Variants in DSCAM observed in about 807,000 individuals in gnomAD.
The protein encoded by DSCAM is cell adhesion molecule DSCAM.
DSCAM carries 47 observed loss-of-function variants against 217.7 expected under a neutral mutation model. The ratio of observed to expected loss-of-function variants is 0.22; its 90% CI spans 0.17 to 0.28. The LOEUF (loss-of-function observed/expected upper bound fraction) is 0.28, where lower values mean the gene tolerates loss of function less well. Ranked by LOEUF, DSCAM falls within the 10% of genes least tolerant of loss-of-function variation. The pLI, the probability that DSCAM is intolerant of heterozygous loss-of-function variation, is 1.00. For missense variants in DSCAM, 2,080 were observed against 2,618.3 expected (o/e 0.79, Z 4.49); for synonymous variants, 1,056 against 1,015.3 (o/e 1.04, Z -0.76).
intron 3 of DSCAM, among the ~76,000 whole-genome samples, chr21:40,582,231 C>G (rs2076910977): frequency 6.6e-6 from 1 of 152,158 alleles, no homozygotes; most frequent in African/African-American, 2.4e-5. Context: ...AGGCCTAAAT[C>G]TGCATCTTGC....
At chr21:40,394,990 AG>A (rs1218408311) in intron 3 of DSCAM, among the ~76,000 whole-genome samples, 1 of 152,238 alleles carries the variant, frequency 6.6e-6, no homozygotes, top group Non-Finnish European at 1.5e-5. Context: ...AGGTAGAATT[AG>A]GTAATTTTTA....
rs455784 is a variant in DSCAM, at chr21:40,590,238, A to G, written c.508+102572T>C. On this transcript the variant is annotated intron_variant, in intron 3 of 32. Coordinates refer to ENST00000400454, the MANE Select transcript of DSCAM (RefSeq NM_001389.5). Reference sequence around the variant, plus strand: ...ACATGGAAGTATGTAAATATAAAATATTAACATGATATGGACAATGGCACT... The same window carrying G: ...ACATGGAAGTATGTAAATATAAAATGTTAACATGATATGGACAATGGCACT... Among the ~76,000 whole-genome samples the G allele has an allele frequency of 9.7e-3, 1,484 of 152,368 alleles. 13 individuals are homozygous for G. Among genetic ancestry groups the G allele is most frequent in the Non-Finnish European group, 0.017 (1,131 of 68,036 alleles).
chr21:40,199,726 G>A (rs186629497), intron 11 of DSCAM, among the ~76,000 whole-genome samples: 33 of 152,124 alleles, frequency 2.2e-4, no homozygotes, highest in Admixed American at 2.2e-3. Context: ...GTTGATCAAT[G>A]AGAATACGTG....
chr21:40,732,009 G>A (rs2091017908), intron 1 of DSCAM, among the ~76,000 whole-genome samples: 1 of 152,116 alleles, frequency 6.6e-6, no homozygotes, highest in South Asian at 2.1e-4. Flanking sequence ...ACAGGCAGGA[G>A]CCACCACACC....
chr21:40,815,404 A>G (rs894875977), intron 1 of DSCAM, among the ~76,000 whole-genome samples: 2 of 152,158 alleles, frequency 1.3e-5, no homozygotes, highest in African/African-American at 4.8e-5. Flanking sequence ...ACAAGAACCT[A>G]GTCAGCAAAT....
chr21:40,477,476 G>A (rs1387828553), intron 3 of DSCAM, among the ~76,000 whole-genome samples: 1 of 152,160 alleles, frequency 6.6e-6, no homozygotes, highest in Admixed American at 6.5e-5. Context: ...TCCAAAGGAC[G>A]TGTAAATTTC....
At chr21:40,470,625 C>T (rs904764087) in intron 3 of DSCAM, among the ~76,000 whole-genome samples, 1 of 152,196 alleles carries the variant, frequency 6.6e-6, no homozygotes, top group Non-Finnish European at 1.5e-5. Flanking sequence ...TGATTGTTGG[C>T]TCACTGCAGC....
At chr21:40,346,674 T>TA (rs539968426) in intron 6 of DSCAM, among the ~76,000 whole-genome samples, 24 of 151,972 alleles carry the variant, frequency 1.6e-4, no homozygotes, top group Admixed American at 3.3e-4. Context: ...AGTAACCAGT[T>TA]AAAAAAAAGC....
chr21:40,205,301 T>C (rs536038646), intron 11 of DSCAM, among the ~76,000 whole-genome samples: 2 of 152,196 alleles, frequency 1.3e-5, no homozygotes, highest in Non-Finnish European at 2.9e-5. Context: ...TGCTCCTTCA[T>C]GCAAGTAAGT....
chr21:40,815,250 T>C (rs2091870591), intron 1 of DSCAM, among the ~76,000 whole-genome samples: 1 of 151,852 alleles, frequency 6.6e-6, no homozygotes, highest in African/African-American at 2.4e-5. Context: ...TCAGAACAAA[T>C]AGGAAGGGAC....
chr21:40,676,632 T>C (rs573918494), intron 3 of DSCAM, among the ~76,000 whole-genome samples: 1 of 152,290 alleles, frequency 6.6e-6, no homozygotes, highest in East Asian at 1.9e-4. Flanking sequence ...ATCAGAGGAA[T>C]TGACTTGATG....
At chr21:40,590,191 T>C (rs1014983714) in intron 3 of DSCAM, among the ~76,000 whole-genome samples, 2 of 152,238 alleles carry the variant, frequency 1.3e-5, no homozygotes, top group African/African-American at 2.4e-5. Flanking sequence ...AGGCCTAGAT[T>C]CATATCCCAG....
rs116159442 is a variant in DSCAM at position 40,635,445 on chromosome 21, G to A, written c.508+57365C>T. Among the ~76,000 whole-genome samples the A allele has an allele frequency of 6.9e-3, 1,048 of 152,288 alleles. 7 individuals are homozygous for A. Among genetic ancestry groups the A allele is most frequent in the African/African-American group, 0.024 (991 of 41,538 alleles). On this transcript the variant is annotated intron_variant, in intron 3 of 32. Transcript: ENST00000400454. Reference sequence around the variant, plus strand: ...GAAAGATTTAGAAAGTAGAGTTAATGAAAATAATCTAGTTAAGAAAGAAAG... The same window carrying A: ...GAAAGATTTAGAAAGTAGAGTTAATAAAAATAATCTAGTTAAGAAAGAAAG...
At chr21:40,284,948 C>A (rs1489972587) in intron 10 of DSCAM, among the ~76,000 whole-genome samples, 1 of 152,224 alleles carries the variant, frequency 6.6e-6, no homozygotes, top group Non-Finnish European at 1.5e-5. Flanking sequence ...ATTTCATGGT[C>A]TAGATTAGTG....
At chr21:40,435,628 T>C (rs1390505606) in intron 3 of DSCAM, among the ~76,000 whole-genome samples, 1 of 152,242 alleles carries the variant, frequency 6.6e-6, no homozygotes, top group Non-Finnish European at 1.5e-5. Flanking sequence ...TACTGTTTTA[T>C]GGAAACAAGA....
chr21:40,422,795 T>C lies in DSCAM; in HGVS notation c.509-53550A>G, dbSNP rs189386623. On this transcript the variant is annotated intron_variant, in intron 3 of 32. Coordinates refer to ENST00000400454, the MANE Select transcript of DSCAM (RefSeq NM_001389.5). Reference sequence around the variant, plus strand: ...AAAACCAAAATCTCTTTGCTGCAGGTTTTTCCAAGAAGTAAAGGTCTTGCA... The same window carrying C: ...AAAACCAAAATCTCTTTGCTGCAGGCTTTTCCAAGAAGTAAAGGTCTTGCA... Among the ~76,000 whole-genome samples the C allele has an allele frequency of 4.5e-4, 69 of 152,274 alleles. 1 individual carries two copies. The highest frequency in any genetic ancestry group is 1.3e-3 in the African/African-American group (53 of 41,548).
At chr21:40,397,236 T>C (rs1314601070) in intron 3 of DSCAM, among the ~76,000 whole-genome samples, 1 of 152,110 alleles carries the variant, frequency 6.6e-6, no homozygotes, top group East Asian at 1.9e-4. Context: ...TGTTGAGATG[T>C]GATCCCGTGT....
At chr21:40,378,855 A>C (rs1177006791) in intron 3 of DSCAM, among the ~76,000 whole-genome samples, 1 of 151,988 alleles carries the variant, frequency 6.6e-6, no homozygotes, top group African/African-American at 2.4e-5. Flanking sequence ...GGCCTCCCAA[A>C]GTGCTGGGAT....
In DSCAM at chr21:40,531,262, G is replaced by A. The variant is rs140360907; in HGVS notation, c.508+161548C>T. On this transcript the variant is annotated intron_variant, in intron 3 of 32. Coordinates refer to ENST00000400454, the MANE Select transcript of DSCAM (RefSeq NM_001389.5). ...CCTCCCTCTCCCCAAGGCTGCTGCC[G>A]GTCTCAGGCGCATTATGCACCCTCT... Among the ~76,000 whole-genome samples the A allele has an allele frequency of 7.9e-5, 12 of 152,242 alleles. No homozygotes were observed. The South Asian group carries it at 8.3e-4, about 11-fold the overall frequency.
Sources: gnomAD v4.1 joint callset for allele counts (sites outside exome capture counted in the v4.1 genomes callset) on GRCh38, gnomAD v4.1.1 for gene constraint, MANE v1.5 for transcripts, NCBI Gene and HGNC (gene_info 2026-07-23, HGNC 2026-07-21) for gene names.